The following LRMDA variants were observed in gnomAD, a reference collection of about 807,000 sequenced individuals.
LRMDA encodes leucine-rich melanocyte differentiation-associated protein.
In LRMDA, 18 loss-of-function variants were observed where a neutral mutation model predicts 29.8. That is an observed-to-expected ratio of 0.60 (90% CI 0.42 to 0.90). The LOEUF is 0.90. LRMDA is among the 40% of genes least tolerant of loss of function. LRMDA has a pLI of 0.00. For synonymous variants in LRMDA, 125 were observed against 109.4 expected, an observed-to-expected ratio of 1.14 and a Z score of -0.89; for missense variants, 273 against 273.9, an observed-to-expected ratio of 1.00 and a Z score of 0.02.
intron 6 of LRMDA, among the ~76,000 whole-genome samples, chr10:76,393,927 C>T (rs1841753114): frequency 6.6e-6 from 1 of 152,118 alleles, no homozygotes; most frequent in Non-Finnish European, 1.5e-5. Flanking sequence ...GTCCTTTCTG[C>T]ATTGTGTGTT....
chr10:76,028,049 A>G (rs1848089538), intron 2 of LRMDA, among the ~76,000 whole-genome samples: 1 of 152,206 alleles, frequency 6.6e-6, no homozygotes, highest in African/African-American at 2.4e-5. Context: ...TGGAATTGGA[A>G]TTAGTGGATG....
intron 6 of LRMDA, among the ~76,000 whole-genome samples, chr10:76,456,038 T>C (rs1589194861): frequency 6.6e-6 from 1 of 152,194 alleles, no homozygotes; most frequent in African/African-American, 2.4e-5. Flanking sequence ...AGGGGCTGGG[T>C]TGTTGGGCTT....
intron 6 of LRMDA, among the ~76,000 whole-genome samples, chr10:76,521,887 T>C (rs78002469): frequency 0.02 from 2,996 of 152,310 alleles, 70 homozygotes; most frequent in African/African-American, 0.057. Flanking sequence ...TAATGACTTA[T>C]ATTTATTCTT....
At chr10:75,773,551 G>A (rs1400409228) in intron 2 of LRMDA, among the ~76,000 whole-genome samples, 1 of 152,162 alleles carries the variant, frequency 6.6e-6, no homozygotes, top group Admixed American at 6.6e-5. Flanking sequence ...GTGGGAAGAG[G>A]GAGACAGATG....
intron 2 of LRMDA, among the ~76,000 whole-genome samples, chr10:75,532,293 T>G (rs1197255454): frequency 6.6e-6 from 1 of 152,156 alleles, no homozygotes; most frequent in African/African-American, 2.4e-5. Flanking sequence ...GGTTGCCAGA[T>G]TCCATCATGG....
intron 6 of LRMDA, among the ~76,000 whole-genome samples, chr10:76,455,248 G>A (rs1325321740): frequency 3.3e-5 from 5 of 152,128 alleles, no homozygotes; most frequent in Non-Finnish European, 5.9e-5. Context: ...AGTTCAACTC[G>A]TCACCCAACG....
rs141736112 is a variant in LRMDA at position 75,781,284 on chromosome 10, A to G, written c.132-254724A>G. Among the ~76,000 whole-genome samples the G allele has an allele frequency of 6.6e-5, 10 of 152,282 alleles. No individual in the cohort carries two copies. In the East Asian group the frequency reaches 1.2e-3, roughly 18 times the overall value. On this transcript the variant is annotated intron_variant, in intron 2 of 6. Coordinates refer to ENST00000611255, the MANE Select transcript of LRMDA (RefSeq NM_001305581.2). ...TCTTTGTCCCAGTGCCTGGCTCATA[A>G]TAACCTCCGATACATTTTTGTTATA...
At chr10:75,936,956 G>A (rs770171589) in intron 2 of LRMDA, among the ~76,000 whole-genome samples, 46 of 152,022 alleles carry the variant, frequency 3.0e-4, no homozygotes, top group Middle Eastern at 3.4e-3. Context: ...TCTTTATTTT[G>A]GTTTATTCTC....
chr10:76,258,445 A>T, intron 5 of LRMDA, among the ~76,000 whole-genome samples: 1 of 152,004 alleles, frequency 6.6e-6, no homozygotes, highest in East Asian at 1.9e-4. Context: ...AACATTTTTC[A>T]TTTCTTTATG....
intron 2 of LRMDA, among the ~76,000 whole-genome samples, chr10:75,941,209 T>A (rs1846385363): frequency 6.6e-6 from 1 of 152,156 alleles, no homozygotes; most frequent in South Asian, 2.1e-4. Flanking sequence ...CAGCCCACCC[T>A]ATACTCCACA....
chr10:76,024,822 T>G (rs1848033728), intron 2 of LRMDA, among the ~76,000 whole-genome samples: 1 of 152,188 alleles, frequency 6.6e-6, no homozygotes, highest in South Asian at 2.1e-4. Context: ...GTGAAAGGCT[T>G]GTGTAGAAGA....
chr10:75,772,725 G>A (rs989349972), intron 2 of LRMDA, among the ~76,000 whole-genome samples: 1 of 152,074 alleles, frequency 6.6e-6, no homozygotes, highest in African/African-American at 2.4e-5. Flanking sequence ...GGCCCAAAAG[G>A]TACAAAATGT....
intron 2 of LRMDA, among the ~76,000 whole-genome samples, chr10:75,528,166 C>T (rs954642702): frequency 1.3e-5 from 2 of 152,126 alleles, no homozygotes; most frequent in Non-Finnish European, 2.9e-5. Flanking sequence ...AGCTGAGAAC[C>T]AATCTGATTT....
chr10:76,394,004 G>T (rs1372887188), intron 6 of LRMDA, among the ~76,000 whole-genome samples: 1 of 152,128 alleles, frequency 6.6e-6, no homozygotes, highest in East Asian at 1.9e-4. Flanking sequence ...TTTCTATTCT[G>T]TTCCATTAGT....
At chr10:76,196,085 G>A (rs1463685388) in intron 5 of LRMDA, among the ~76,000 whole-genome samples, 1 of 152,204 alleles carries the variant, frequency 6.6e-6, no homozygotes, top group Non-Finnish European at 1.5e-5. Context: ...TTGTTGGCCC[G>A]AGGTGAGGCC....
intron 2 of LRMDA, among the ~76,000 whole-genome samples, chr10:75,955,629 G>A (rs1376606372): frequency 6.6e-6 from 1 of 152,174 alleles, no homozygotes; most frequent in East Asian, 1.9e-4. Context: ...CTGCATTAAT[G>A]TAACAAAAGA....
intron 2 of LRMDA, among the ~76,000 whole-genome samples, chr10:75,600,777 G>A (rs1840874390): frequency 6.6e-6 from 1 of 152,178 alleles, no homozygotes; most frequent in South Asian, 2.1e-4. Flanking sequence ...AAGAAAGCCT[G>A]GGCTAAGTTC....
intron 2 of LRMDA, among the ~76,000 whole-genome samples, chr10:75,799,722 GTT>G (rs60051461): frequency 1.9e-4 from 27 of 139,172 alleles, no homozygotes; most frequent in Admixed American, 9.5e-4. Context: ...GTGTGTGTGT[GTT>G]TAGTAGAGAC....
intron 5 of LRMDA, among the ~76,000 whole-genome samples, chr10:76,276,051 ATC>A (rs144007125): frequency 0.011 from 1,417 of 127,574 alleles, 16 homozygotes; most frequent in African/African-American, 0.036. Flanking sequence ...CTATCTATCT[ATC>A]TCTTTCTTTC....
Sources: allele counts gnomAD v4.1 joint callset (sites outside exome capture counted in the v4.1 genomes callset), GRCh38; gene constraint gnomAD v4.1.1; transcripts MANE v1.5; gene names NCBI Gene and HGNC (gene_info 2026-07-23, HGNC 2026-07-21).